The following RNF144A variants were observed in gnomAD, a reference collection of about 807,000 sequenced individuals.
The protein encoded by RNF144A is E3 ubiquitin-protein ligase RNF144A.
RNF144A carries 11 observed loss-of-function variants against 38.7 expected under a neutral mutation model. The observed-to-expected ratio is 0.28, with a 90% CI of 0.18 to 0.47. The LOEUF is 0.47. RNF144A is among the 20% of genes least tolerant of loss of function. RNF144A has a pLI of 0.99. For missense variants in RNF144A, 316 were observed against 377.2 expected, an observed-to-expected ratio of 0.84 and a Z score of 1.34; for synonymous variants, 149 against 143.9, an observed-to-expected ratio of 1.04 and a Z score of -0.25.
At chr2:7,029,988 C>T (rs182455871) in intron 7 of RNF144A, 138 bp from the exon 8 acceptor site, 27 of 654,128 alleles carry the variant, frequency 4.1e-5, no homozygotes, top group East Asian at 1.4e-4. Context: ...TTCCCGGATG[C>T]GTGCCCTTCC....
rs534788355 is a variant in RNF144A, at chr2:6,932,094, C to G, written c.-211-8854C>G. 2.6e-5 allele frequency among the ~76,000 whole-genome samples: 4 copies of G among 152,254 alleles called. No homozygotes were observed. In the South Asian group the frequency reaches 8.3e-4, roughly 32 times the overall value. ...GTTTTGCCATATGTATTTTGATGCTCTGTTGTAGGGTATTACATGTTTAGC... is the reference window on the plus strand; with the variant it reads ...GTTTTGCCATATGTATTTTGATGCTGTGTTGTAGGGTATTACATGTTTAGC... On this transcript the variant is annotated intron_variant, in intron 1 of 8. Transcript: ENST00000320892.
At position 7,041,095 on chromosome 2, in the gene RNF144A, G is replaced by A; in HGVS notation, c.*1335G>A. ...CACAGGTGCTTTTACAAAGCAAACTGCATTGAATTTAAAACTTCTAAAAAT... is the reference window on the plus strand; with the variant it reads ...CACAGGTGCTTTTACAAAGCAAACTACATTGAATTTAAAACTTCTAAAAAT... On this transcript the variant is annotated 3_prime_UTR_variant, in exon 9 of 9. Coordinates refer to ENST00000320892, the MANE Select transcript of RNF144A (RefSeq NM_014746.6). 15 of 982,292 alleles carry A rather than the reference G, an allele frequency of 1.5e-5. No individual in the cohort carries two copies. Among genetic ancestry groups the A allele is most frequent in the Non-Finnish European group, 1.8e-5 (15 of 827,100 alleles). 60.8% of individuals were successfully genotyped at this position (982,292 alleles called of 1,614,324 possible).
chr2:6,928,488 C>G (rs971147076), intron 1 of RNF144A, among the ~76,000 whole-genome samples: 1 of 152,184 alleles, frequency 6.6e-6, no homozygotes, highest in East Asian at 1.9e-4. Context: ...CCATACCTGT[C>G]TCTTCTCTGC....
chr2:6,929,444 C>T (rs1572201805), intron 1 of RNF144A, among the ~76,000 whole-genome samples: 2 of 152,166 alleles, frequency 1.3e-5, no homozygotes, highest in East Asian at 3.9e-4. Context: ...ATTTCCAGCA[C>T]AGGATGTGGT....
chr2:6,931,873 TA>T (rs1023824981), intron 1 of RNF144A, among the ~76,000 whole-genome samples: 2 of 152,228 alleles, frequency 1.3e-5, no homozygotes, highest in Non-Finnish European at 2.9e-5. Context: ...CCCTTTGAAC[TA>T]AAGGAATGTG....
In RNF144A at chr2:7,044,109, G is replaced by A. The variant is rs1015253106; in HGVS notation, c.*4349G>A. On this transcript the variant is annotated 3_prime_UTR_variant, in exon 9 of 9. Coordinates refer to ENST00000320892, the MANE Select transcript of RNF144A (RefSeq NM_014746.6). ...TTTTAAATGTATTGTGTCTTACGTA[G>A]TTTGTCCCCCCCTTTAGCAGGGATT... 17 of 985,630 alleles carry A rather than the reference G, an allele frequency of 1.7e-5. No individual in the cohort carries two copies. The highest frequency in any genetic ancestry group is 1.9e-5 in the Non-Finnish European group (16 of 829,892). 61.1% of individuals were successfully genotyped at this position (985,630 alleles called of 1,614,324 possible).
chr2:6,921,739 T>G (rs886989395), intron 1 of RNF144A, among the ~76,000 whole-genome samples: 4 of 152,188 alleles, frequency 2.6e-5, no homozygotes, highest in African/African-American at 4.8e-5. Flanking sequence ...GGAGGGTGCC[T>G]GGATCAGCCC....
chr2:6,979,668 A>G (rs979030740), intron 2 of RNF144A, among the ~76,000 whole-genome samples: 3 of 152,178 alleles, frequency 2.0e-5, no homozygotes, highest in African/African-American at 7.2e-5. Context: ...AGAAGCCTCC[A>G]GGGTGATGTG....
chr2:6,954,940 C>T (rs1021521103), intron 2 of RNF144A, among the ~76,000 whole-genome samples: 3 of 152,142 alleles, frequency 2.0e-5, no homozygotes, highest in African/African-American at 7.2e-5. Flanking sequence ...TATAAGGTGA[C>T]CCACACACTA....
At position 7,039,726 on chromosome 2, in the gene RNF144A, G is replaced by T; in HGVS notation, c.845G>T (p.Cys282Phe). Reference sequence around the variant, plus strand: ...TTTGTACTTTGCTGCAAGTGCAAGTGCAGTAAAGGTGACGACGACCCGTTA... The same window carrying T: ...TTTGTACTTTGCTGCAAGTGCAAGTTCAGTAAAGGTGACGACGACCCGTTA... The part of the protein sequence containing the change: ...TPFVLCCKCK[C>F]SKGDDDPLPT The change falls in exon 9 of 9, where the codon TGC (cysteine) becomes TTC (phenylalanine). Residue 282 changes from cysteine (C) to phenylalanine (F), a missense_variant. Transcript: ENST00000320892. The T allele has an allele frequency of 1.2e-6, 2 of 1,613,998 alleles. No homozygotes were observed. The highest frequency in any genetic ancestry group is 1.3e-5 in the African/African-American group (1 of 75,028).
intron 2 of RNF144A, among the ~76,000 whole-genome samples, chr2:6,967,068 A>G (rs1425728886): frequency 6.6e-6 from 1 of 151,960 alleles, no homozygotes; most frequent in African/African-American, 2.4e-5. Context: ...TCTCCTCCCC[A>G]CATACCATCC....
the RNF144A span, among the ~76,000 whole-genome samples, chr2:7,075,191 A>T: frequency 5.3e-5 from 8 of 151,002 alleles, no homozygotes; most frequent in South Asian, 1.7e-3. Context: ...CTTCTACCCC[A>T]CTCTCCCACC....
At chr2:7,021,685 AT>A (rs1359387716) in intron 6 of RNF144A, among the ~76,000 whole-genome samples, 1 of 152,114 alleles carries the variant, frequency 6.6e-6, no homozygotes, top group Non-Finnish European at 1.5e-5. Flanking sequence ...CCCTGGACAT[AT>A]TGGATTTGAG....
chr2:6,944,655 G>A lies in RNF144A; in HGVS notation c.-12+3508G>A, dbSNP rs1011187108. Among the ~76,000 whole-genome samples, 3 of 152,054 alleles carry A rather than the reference G, an allele frequency of 2.0e-5. No homozygotes were observed. The highest frequency in any genetic ancestry group is 2.9e-5 in the Non-Finnish European group (2 of 68,030). On this transcript the variant is annotated intron_variant, in intron 2 of 8. Transcript: ENST00000320892. The surrounding 1 kb of genome is among the most constrained non-coding windows in gnomAD (Gnocchi z 4.7). The stretch of plus-strand genomic sequence containing the variant: ...TCCCTGCAGTGCTTTTGCTGGCCCC[G>A]AGATAGGGTCTCCTCAGGTGTGAGG...
At position 6,958,825 on chromosome 2, in the gene RNF144A, A is replaced by G. The variant is rs150269547; in HGVS notation, c.-12+17678A>G. Among the ~76,000 whole-genome samples, 254 of 152,326 alleles carry G rather than the reference A, an allele frequency of 1.7e-3. No individual in the cohort carries two copies. The highest frequency in any genetic ancestry group is 5.5e-3 in the African/African-American group (230 of 41,580). Reference sequence around the variant, plus strand: ...AAGGTGGCAGTGGGGTAGGCTGTGCAGAGATCAAGGTTGGGAGTGGGCCCT... The same window carrying G: ...AAGGTGGCAGTGGGGTAGGCTGTGCGGAGATCAAGGTTGGGAGTGGGCCCT... On this transcript the variant is annotated intron_variant, in intron 2 of 8. Coordinates refer to ENST00000320892, the MANE Select transcript of RNF144A (RefSeq NM_014746.6). This position sits in a 1 kb window ranked among gnomAD's most constrained non-coding sequence, Gnocchi z 4.5.
At chr2:6,982,256 AGCT>A (rs1668679720) in intron 2 of RNF144A, among the ~76,000 whole-genome samples, 1 of 152,250 alleles carries the variant, frequency 6.6e-6, no homozygotes, top group African/African-American at 2.4e-5. Context: ...TAAACCTTGC[AGCT>A]ACTCGTAAGT....
intron 1 of RNF144A, among the ~76,000 whole-genome samples, chr2:6,926,409 C>T (rs1263177632): frequency 6.6e-6 from 1 of 152,228 alleles, no homozygotes; most frequent in Non-Finnish European, 1.5e-5. Flanking sequence ...GTAACACATG[C>T]GAGAGAACTG....
intron 2 of RNF144A, among the ~76,000 whole-genome samples, chr2:6,979,671 G>A (rs967442091): frequency 2.0e-5 from 3 of 152,160 alleles, no homozygotes; most frequent in Non-Finnish European, 4.4e-5. Context: ...AGCCTCCAGG[G>A]TGATGTGTAC....
chr2:7,072,996 A>C (rs1674534004), downstream of RNF144A, among the ~76,000 whole-genome samples: 1 of 151,478 alleles, frequency 6.6e-6, no homozygotes, highest in South Asian at 2.1e-4. Flanking sequence ...CTTGAACTTC[A>C]CTCTGTCCCA....
Sources: allele counts gnomAD v4.1 joint callset (sites outside exome capture counted in the v4.1 genomes callset), GRCh38; gene constraint gnomAD v4.1.1; non-coding constraint Gnocchi (gnomAD v3.1); transcripts MANE v1.5; gene names NCBI Gene and HGNC (gene_info 2026-07-23, HGNC 2026-07-21).